The following CUX1 variants were observed in gnomAD, a reference collection of about 807,000 sequenced individuals.
The protein encoded by CUX1 is cut like homeobox 1, also known as protein CASP.
CUX1 carries 31 observed loss-of-function variants against 158.8 expected under a neutral mutation model. The observed-to-expected ratio is 0.20, with a 90% CI of 0.15 to 0.26. The LOEUF (loss-of-function observed/expected upper bound fraction) is 0.26, where lower values mean the gene tolerates loss of function less well. Ranked by LOEUF, CUX1 falls within the 10% of genes least tolerant of loss-of-function variation. The pLI, the probability that CUX1 is intolerant of heterozygous loss-of-function variation, is 1.00. For synonymous variants in CUX1, 879 were observed against 862.1 expected (o/e 1.02, Z -0.34); for missense variants, 1,589 against 2,014.6 (o/e 0.79, Z 4.04).
intron 3 of CUX1, among the ~76,000 whole-genome samples, chr7:102,059,544 A>G (rs1824538092): frequency 1.3e-5 from 2 of 151,328 alleles, no homozygotes; most frequent in Non-Finnish European, 2.9e-5. Context: ...AGGCAGGAGA[A>G]TCACTTGAAC....
At chr7:101,928,217 G>A (rs564792012) in intron 2 of CUX1, among the ~76,000 whole-genome samples, 3 of 151,966 alleles carry the variant, frequency 2.0e-5, no homozygotes, top group South Asian at 2.1e-4. Flanking sequence ...GAATGATAAC[G>A]ACCTCGGAGT....
chr7:101,914,918 T>C (rs1804000449), intron 1 of CUX1, among the ~76,000 whole-genome samples: 1 of 152,162 alleles, frequency 6.6e-6, no homozygotes, highest in South Asian at 2.1e-4. Flanking sequence ...GCTGGTTAAC[T>C]TCCGCCAAGG....
At chr7:102,103,208 A>G (rs1224130101) in intron 5 of CUX1, among the ~76,000 whole-genome samples, 4 of 151,980 alleles carry the variant, frequency 2.6e-5, no homozygotes, top group Non-Finnish European at 5.9e-5. Flanking sequence ...CCCCCAGGCT[A>G]CGGCACCCTC....
chr7:102,225,738 C>G (rs1214441258), intron 20 of CUX1, among the ~76,000 whole-genome samples: 2 of 152,180 alleles, frequency 1.3e-5, no homozygotes, highest in African/African-American at 4.8e-5. Flanking sequence ...GTCTGCAGTC[C>G]CAGCTACTTG....
At chr7:102,142,754 T>A (rs1834600439) in intron 8 of CUX1, among the ~76,000 whole-genome samples, 1 of 151,140 alleles carries the variant, frequency 6.6e-6, no homozygotes, top group East Asian at 2.0e-4. Context: ...AGACCTTGTT[T>A]CTGCAAAAAA....
chr7:102,272,227 G>A (rs712837), intron 14 of CUX1, among the ~76,000 whole-genome samples: 38,393 of 152,124 alleles, frequency 0.25, 5,227 homozygotes, highest in East Asian at 0.47. Flanking sequence ...GAGCATGTGG[G>A]GGTGAGGCTG....
rs1003961955 is a variant in CUX1, at chr7:102,220,529, G to A, written c.3131-6838G>A. ...CGATCTGTCCCTCTAAACCTAGCTA[G>A]GAAGTATCCAGGCTGGTGGCCACCC... On this transcript the variant is annotated intron_variant, in intron 20 of 23. Transcript: ENST00000292535. Among the ~76,000 whole-genome samples, 76 of 152,234 alleles carry A rather than the reference G, an allele frequency of 5.0e-4. 1 individual carries two copies. Among genetic ancestry groups the A allele is most frequent in the African/African-American group, 1.8e-3 (73 of 41,464 alleles).
At chr7:102,102,976 C>T (rs1411482367) in intron 5 of CUX1, among the ~76,000 whole-genome samples, 1 of 152,206 alleles carries the variant, frequency 6.6e-6, no homozygotes, top group East Asian at 1.9e-4. Flanking sequence ...CCCAGAGCCA[C>T]CCACAGGTCT....
chr7:102,046,388 A>G (rs1443084638), intron 3 of CUX1, among the ~76,000 whole-genome samples: 1 of 151,934 alleles, frequency 6.6e-6, no homozygotes, highest in Non-Finnish European at 1.5e-5. Flanking sequence ...ACGCACCACC[A>G]CACCTGGCTA....
At chr7:102,200,756 G>GC (rs1201508738) in intron 17 of CUX1, among the ~76,000 whole-genome samples, 2 of 151,830 alleles carry the variant, frequency 1.3e-5, no homozygotes, top group Non-Finnish European at 2.9e-5. Context: ...GAGGTCAGGC[G>GC]CGGTGGCTCA....
chr7:101,943,171 A>G (rs1043021864), intron 2 of CUX1, among the ~76,000 whole-genome samples: 4 of 145,232 alleles, frequency 2.8e-5, no homozygotes, highest in Admixed American at 7.3e-5. Context: ...CTGTGGTGCA[A>G]TCTTGGCTCA....
Position 101,856,304 on chromosome 7 carries a change from A to G in CUX1, c.30+38635A>G, listed in dbSNP as rs568360584. ...CGCAGGGAGCCGTTAATCACGACCC[A>G]TAATAACCAGAATGTTATTCCACGG... is the stretch of plus-strand genomic sequence containing the variant. On this transcript the variant is annotated intron_variant, in intron 1 of 23. Coordinates refer to ENST00000292535, the MANE Select transcript of CUX1 (RefSeq NM_181552.4). Among the ~76,000 whole-genome samples the G allele has an allele frequency of 5.3e-5, 8 of 152,168 alleles. No individual in the cohort carries two copies. The South Asian group carries it at 1.7e-3, about 32-fold the overall frequency.
chr7:102,158,334 A>G (rs1790016713), intron 8 of CUX1, among the ~76,000 whole-genome samples: 1 of 152,106 alleles, frequency 6.6e-6, no homozygotes. Flanking sequence ...GACCCCATCA[A>G]AGGCAGGCAC....
At chr7:102,069,564 C>T (rs1200854368) in intron 3 of CUX1, among the ~76,000 whole-genome samples, 1 of 152,114 alleles carries the variant, frequency 6.6e-6, no homozygotes, top group Non-Finnish European at 1.5e-5. Context: ...GCCTGGCCAA[C>T]ATGATAAAAC....
At chr7:102,160,790 A>G (rs1157363847) in intron 9 of CUX1, among the ~76,000 whole-genome samples, 2 of 152,140 alleles carry the variant, frequency 1.3e-5, no homozygotes, top group African/African-American at 2.4e-5. Flanking sequence ...CGAGGAGAGG[A>G]GGGAAATACG....
At chr7:102,157,936 G>A (rs546492674) in intron 8 of CUX1, among the ~76,000 whole-genome samples, 1 of 152,222 alleles carries the variant, frequency 6.6e-6, no homozygotes, top group Non-Finnish European at 1.5e-5. Flanking sequence ...GACCAGGCTG[G>A]GCCATAGCAA....
intron 19 of CUX1, chr7:102,280,654 G>T (rs1791992770): frequency 1.5e-6 from 1 of 676,142 alleles, no homozygotes; most frequent in Non-Finnish European, 2.6e-6. Context: ...TGCACCCAGG[G>T]AAGCCCCTGG....
chr7:102,122,450 G>C (rs1406535958), intron 8 of CUX1, among the ~76,000 whole-genome samples: 1 of 150,862 alleles, frequency 6.6e-6, no homozygotes, highest in Admixed American at 6.6e-5. Context: ...TAGAATTCTT[G>C]GGATTTTTCA....
rs1478577915 is a variant in CUX1 at position 102,282,699 on chromosome 7, T to C, written c.1903-13T>C. ...AGGCGAACGGGCAGCTCACCGTGTC[T>C]CCACCTGGCCAGGTGCTCTACAAGC... On this transcript the variant is annotated splice_polypyrimidine_tract_variant and intron_variant, in intron 21 of 22. Transcript: ENST00000292538. 8 of 1,612,082 alleles carry C rather than the reference T, an allele frequency of 5.0e-6. No homozygotes were observed. The Admixed American group carries it at 1.3e-4, about 27-fold the overall frequency.
Sources: gnomAD v4.1 joint callset for allele counts (sites outside exome capture counted in the v4.1 genomes callset) on GRCh38, gnomAD v4.1.1 for gene constraint, MANE v1.5 for transcripts, NCBI Gene and HGNC (gene_info 2026-07-23, HGNC 2026-07-21) for gene names.